Variants in NEO1 observed in about 807,000 individuals in gnomAD.
The protein encoded by NEO1 is neogenin 1.
A neutral mutation model predicts 159.7 loss-of-function variants in NEO1; 63 were observed. The observed-to-expected ratio is 0.39, with a 90% CI of 0.32 to 0.49. NEO1 has a LOEUF of 0.49. Among genes scored for constraint, NEO1 ranks in the 20% least tolerant of loss-of-function variants. The pLI, the probability that NEO1 is intolerant of heterozygous loss-of-function variation, is 0.85. For synonymous variants in NEO1, 633 were observed against 662.0 expected (o/e 0.96, Z 0.67); for missense variants, 1,615 against 1,831.0 (o/e 0.88, Z 2.15).
rs752509933 is a variant in NEO1, at chr15:73,298,460, C to T, written c.4014C>T (p.Ser1338=). 24 of 1,614,108 alleles carry T rather than the reference C, an allele frequency of 1.5e-5. No individual in the cohort carries two copies. The highest frequency in any genetic ancestry group is 3.3e-4 in the Middle Eastern group (2 of 6,084). Residue 1338 remains serine (S), a synonymous_variant, in exon 27 of 29, where the codon AGC becomes AGT. Coordinates refer to ENST00000261908, the MANE Select transcript of NEO1 (RefSeq NM_002499.4). Reference sequence around the variant, plus strand: ...CTACCAGCTCCTCTTACTTGGCCAGCTCCCAAGAGGAAGATTCAGGCCAGA... The same window carrying T: ...CTACCAGCTCCTCTTACTTGGCCAGTTCCCAAGAGGAAGATTCAGGCCAGA... ...EGATSSSYLA[S]SQEEDSGQSL... is the part of the protein sequence containing the mutation.
chr15:73,086,581 G>T (rs535711156), intron 1 of NEO1, among the ~76,000 whole-genome samples: 5 of 128,826 alleles, frequency 3.9e-5, no homozygotes, highest in Admixed American at 8.5e-5. Flanking sequence ...TTTTTTTTGA[G>T]ATGGAGTCTC....
At chr15:73,206,816 CT>C (rs2037254777) in intron 7 of NEO1, among the ~76,000 whole-genome samples, 2 of 135,680 alleles carry the variant, frequency 1.5e-5, no homozygotes, top group Non-Finnish European at 3.2e-5. Context: ...TTTCTTTTTT[CT>C]TTTTCGTGTG....
At chr15:73,150,275 T>A (rs976778541) in intron 5 of NEO1, among the ~76,000 whole-genome samples, 3 of 152,230 alleles carry the variant, frequency 2.0e-5, no homozygotes, top group Admixed American at 6.5e-5. Flanking sequence ...TTAAAAGAAC[T>A]ATTTTTCAGA....
At chr15:73,103,433 C>T (rs550051705) in intron 1 of NEO1, among the ~76,000 whole-genome samples, 1 of 152,310 alleles carries the variant, frequency 6.6e-6, no homozygotes, top group South Asian at 2.1e-4. Context: ...GTTCCTTTGA[C>T]AGAGTGTCTT....
At chr15:73,069,804 T>C (rs1351529717) in intron 1 of NEO1, among the ~76,000 whole-genome samples, 3 of 152,186 alleles carry the variant, frequency 2.0e-5, no homozygotes, top group African/African-American at 7.2e-5. Flanking sequence ...ATTCAGAGTT[T>C]AGTAAGGTAG....
rs1433286750 is a variant in NEO1, at chr15:73,303,917, C to T, written c.*1221C>T. 1.9e-4 allele frequency: 29 copies of T among 152,200 alleles called. No homozygotes were observed. The highest frequency in any genetic ancestry group is 1.8e-3 in the Admixed American group (28 of 15,280). 9.4% of individuals were successfully genotyped at this position (152,200 alleles called of 1,614,324 possible). A position where few individuals can be genotyped will look rare whatever the true frequency, so the allele number is the denominator to read the frequency against. On this transcript the variant is annotated 3_prime_UTR_variant, in exon 29 of 29. Transcript: ENST00000261908. ...GTTAAGGAAGGAACTTGTTTGTTTC[C>T]GTATACGACTCCTTCTTCTCTCTAG...
At chr15:73,114,709 G>A (rs1157045603) in intron 1 of NEO1, among the ~76,000 whole-genome samples, 1 of 152,062 alleles carries the variant, frequency 6.6e-6, no homozygotes, top group Non-Finnish European at 1.5e-5. Context: ...TTTATTATCA[G>A]TAATACAATA....
chr15:73,226,589 C>T (rs1337416811), intron 7 of NEO1, among the ~76,000 whole-genome samples: 6 of 152,198 alleles, frequency 3.9e-5, no homozygotes, highest in East Asian at 1.9e-4. Flanking sequence ...TTTTATTTTA[C>T]GGTATATGTG....
intron 1 of NEO1, among the ~76,000 whole-genome samples, chr15:73,073,784 C>T (rs1266176955): frequency 2.6e-5 from 4 of 152,002 alleles, no homozygotes; most frequent in Admixed American, 2.6e-4. Flanking sequence ...TTACTATTAC[C>T]AGAACTAATA....
At chr15:73,063,229 G>T (rs563451972) in intron 1 of NEO1, among the ~76,000 whole-genome samples, 7 of 152,254 alleles carry the variant, frequency 4.6e-5, no homozygotes, top group Non-Finnish European at 8.8e-5. Context: ...AGAACAGTAG[G>T]CAGGGAGAGC....
At chr15:73,173,112 A>G (rs1018918100) in intron 5 of NEO1, among the ~76,000 whole-genome samples, 1 of 152,224 alleles carries the variant, frequency 6.6e-6, no homozygotes, top group African/African-American at 2.4e-5. Flanking sequence ...CTAAATAGAA[A>G]GACTCACAGT....
chr15:73,171,943 T>G (rs1408470482), intron 5 of NEO1, among the ~76,000 whole-genome samples: 2 of 152,074 alleles, frequency 1.3e-5, no homozygotes, highest in Non-Finnish European at 2.9e-5. Flanking sequence ...GCCCGGCCAA[T>G]AAATTATTTT....
chr15:73,158,983 C>T (rs752068538), intron 5 of NEO1, among the ~76,000 whole-genome samples: 88 of 152,236 alleles, frequency 5.8e-4, no homozygotes, highest in South Asian at 1.2e-3. Context: ...CAGTGAGTAG[C>T]GAGGTGTGGT....
Position 73,175,083 on chromosome 15 carries a change from A to T in NEO1, c.1016-1320A>T, listed in dbSNP as rs549067125. Among the ~76,000 whole-genome samples, 7 of 152,162 alleles carry T rather than the reference A, an allele frequency of 4.6e-5. No individual in the cohort carries two copies. In the South Asian group the frequency reaches 1.2e-3, roughly 27 times the overall value. Reference sequence around the variant, plus strand: ...CAGGGCCTGCTCTAGACAGTGCAATAGGCCAAAAAAGTTCTTTTTTAAAAA... The same window carrying T: ...CAGGGCCTGCTCTAGACAGTGCAATTGGCCAAAAAAGTTCTTTTTTAAAAA... On this transcript the variant is annotated intron_variant, in intron 5 of 28. Coordinates refer to ENST00000261908, the MANE Select transcript of NEO1 (RefSeq NM_002499.4).
At chr15:73,078,012 A>T (rs1375983562) in intron 1 of NEO1, among the ~76,000 whole-genome samples, 1 of 152,164 alleles carries the variant, frequency 6.6e-6, no homozygotes, top group African/African-American at 2.4e-5. Flanking sequence ...AAACATCCAG[A>T]AGTGGGAAAG....
chr15:73,101,625 T>C (rs35767004), intron 1 of NEO1, among the ~76,000 whole-genome samples: 13,228 of 152,242 alleles, frequency 0.087, 662 homozygotes, highest in Non-Finnish European at 0.1. Flanking sequence ...TAGGGCTTAC[T>C]TTGTTTACCT....
At chr15:73,111,210 A>G (rs115533248) in intron 1 of NEO1, among the ~76,000 whole-genome samples, 2,209 of 152,310 alleles carry the variant, frequency 0.015, 70 homozygotes, top group African/African-American at 0.051. Flanking sequence ...ATATGGGCAC[A>G]CAAGCATCTG....
intron 23 of NEO1, among the ~76,000 whole-genome samples, chr15:73,287,002 T>A (rs2041972007): frequency 6.6e-6 from 1 of 152,178 alleles, no homozygotes; most frequent in Admixed American, 6.5e-5. Flanking sequence ...TTCTCCTTAC[T>A]CTCTTGCTTA....
At chr15:73,219,952 T>G (rs1203958075) in intron 7 of NEO1, among the ~76,000 whole-genome samples, 2 of 152,098 alleles carry the variant, frequency 1.3e-5, no homozygotes, top group Non-Finnish European at 2.9e-5. Context: ...ATGTGTGAAT[T>G]TGATCCTGTC....
Sources: allele counts gnomAD v4.1 joint callset (sites outside exome capture counted in the v4.1 genomes callset), GRCh38; gene constraint gnomAD v4.1.1; transcripts MANE v1.5; gene names NCBI Gene and HGNC (gene_info 2026-07-23, HGNC 2026-07-21).